SDK1: variants seen among roughly 807,000 people sequenced by gnomAD.
The protein encoded by SDK1 is protein sidekick-1.
A neutral mutation model predicts 245.5 loss-of-function variants in SDK1; 157 were observed. The ratio of observed to expected loss-of-function variants is 0.64; its 90% CI spans 0.56 to 0.73. The LOEUF is 0.73. Ranked by LOEUF, SDK1 falls within the 30% of genes least tolerant of loss-of-function variation. The probability of loss-of-function intolerance (pLI) is 0.00; values close to 1 mark genes in which losing one functional copy is unlikely to be tolerated. For missense variants in SDK1, 3,583 were observed against 3,002.3 expected, an observed-to-expected ratio of 1.19 and a Z score of -4.52; for synonymous variants, 1,647 against 1,278.5, an observed-to-expected ratio of 1.29 and a Z score of -6.15.
At chr7:4,186,817 C>A (rs368799465) in intron 35 of SDK1, among the ~76,000 whole-genome samples, 1 of 152,144 alleles carries the variant, frequency 6.6e-6, no homozygotes, top group East Asian at 1.9e-4. Context: ...ATAGACAGTG[C>A]GGGTACAGGC....
chr7:4,220,368 G>A (rs1398226947), intron 39 of SDK1, 98 bp downstream of exon 39: 2 of 1,331,428 alleles, frequency 1.5e-6, no homozygotes, highest in East Asian at 2.4e-5. Context: ...TCAACAAGGT[G>A]ATGTTGGCGG....
chr7:3,834,987 C>T lies in SDK1; in HGVS notation c.847+13404C>T, dbSNP rs149974136. Among the ~76,000 whole-genome samples the T allele has an allele frequency of 8.1e-3, 1,227 of 152,250 alleles. 6 individuals are homozygous for T. Among genetic ancestry groups the T allele is most frequent in the Middle Eastern group, 0.024 (7 of 294 alleles). On this transcript the variant is annotated intron_variant, in intron 5 of 44. Transcript: ENST00000404826. ...CTCCTCGTCCCAAGATGTGAGGATT[C>T]TCCAGCCTTTAGTCCTTTGGTGCAA...
At chr7:3,577,601 C>T (rs999270077) in intron 1 of SDK1, among the ~76,000 whole-genome samples, 2 of 152,068 alleles carry the variant, frequency 1.3e-5, no homozygotes, top group Non-Finnish European at 2.9e-5. Flanking sequence ...ATGGAACTCA[C>T]TTTTGCTTCT....
At chr7:3,324,101 T>C (rs952301669) in intron 1 of SDK1, among the ~76,000 whole-genome samples, 12 of 152,196 alleles carry the variant, frequency 7.9e-5, no homozygotes, top group African/African-American at 2.9e-4. Flanking sequence ...GTATCTATTC[T>C]AGGGAGATAC....
intron 5 of SDK1, among the ~76,000 whole-genome samples, chr7:3,856,277 T>A (rs1780542883): frequency 6.6e-6 from 1 of 151,678 alleles, no homozygotes; most frequent in Non-Finnish European, 1.5e-5. Flanking sequence ...TCCAAACTAC[T>A]GGAGAAAAAA....
At chr7:4,125,796 C>T (rs1474176579) in intron 25 of SDK1, among the ~76,000 whole-genome samples, 1 of 152,218 alleles carries the variant, frequency 6.6e-6, no homozygotes, top group Non-Finnish European at 1.5e-5. Flanking sequence ...TGATCACCTG[C>T]TGACCAACAA....
At chr7:4,229,735 C>G (rs901781553) in intron 40 of SDK1, among the ~76,000 whole-genome samples, 1 of 152,078 alleles carries the variant, frequency 6.6e-6, no homozygotes, top group Non-Finnish European at 1.5e-5. Context: ...TAAGCAACAC[C>G]CAGTTTATAA....
rs140716813 is a variant in SDK1 at position 3,865,011 on chromosome 7, A to G, written c.847+43428A>G. On this transcript the variant is annotated intron_variant, in intron 5 of 44. Transcript: ENST00000404826. Reference sequence around the variant, plus strand: ...TCTCAGGGGTGCTAACTCTGAGCACATTTCCTATACGTTTCTTCAGTCTCC... The same window carrying G: ...TCTCAGGGGTGCTAACTCTGAGCACGTTTCCTATACGTTTCTTCAGTCTCC... Among the ~76,000 whole-genome samples, 141 of 152,286 alleles carry G rather than the reference A, an allele frequency of 9.3e-4. 2 individuals are homozygous for G. Among genetic ancestry groups the G allele is most frequent in the African/African-American group, 3.3e-3 (136 of 41,552 alleles).
intron 1 of SDK1, among the ~76,000 whole-genome samples, chr7:3,369,404 C>T (rs976534197): frequency 4.6e-5 from 7 of 152,094 alleles, no homozygotes; most frequent in African/African-American, 1.4e-4. Flanking sequence ...CACTTTTGTT[C>T]TACAATGACA....
At chr7:3,899,935 C>G (rs987963635) in intron 5 of SDK1, among the ~76,000 whole-genome samples, 1 of 152,230 alleles carries the variant, frequency 6.6e-6, no homozygotes, top group Admixed American at 6.5e-5. Flanking sequence ...CTCACACATT[C>G]CCTTGACCGC....
chr7:3,684,667 G>A (rs1784221908), intron 4 of SDK1, among the ~76,000 whole-genome samples: 1 of 152,058 alleles, frequency 6.6e-6, no homozygotes, highest in South Asian at 2.1e-4. Flanking sequence ...CTAAATCAGA[G>A]ATGAATGTGA....
At chr7:3,622,508 T>A (rs1583237997) in intron 2 of SDK1, among the ~76,000 whole-genome samples, 1 of 152,128 alleles carries the variant, frequency 6.6e-6, no homozygotes, top group Non-Finnish European at 1.5e-5. Flanking sequence ...AAAAATGGTG[T>A]AACGGCTTTA....
intron 5 of SDK1, among the ~76,000 whole-genome samples, chr7:3,903,193 G>C (rs1243458163): frequency 6.0e-5 from 9 of 150,072 alleles, no homozygotes; most frequent in African/African-American, 9.9e-5. Flanking sequence ...GCTCAGGCTA[G>C]AGTGCAGTGG....
intron 5 of SDK1, among the ~76,000 whole-genome samples, chr7:3,947,433 C>T (rs1237064136): frequency 6.6e-6 from 1 of 151,986 alleles, no homozygotes; most frequent in Non-Finnish European, 1.5e-5. Context: ...TTATCTACTG[C>T]ACAGCTAGAC....
At chr7:3,430,199 G>C (rs1225864681) in intron 1 of SDK1, among the ~76,000 whole-genome samples, 1 of 152,160 alleles carries the variant, frequency 6.6e-6, no homozygotes, top group Non-Finnish European at 1.5e-5. Context: ...GTTTCAGCGA[G>C]TCACTTCTCA....
intron 4 of SDK1, among the ~76,000 whole-genome samples, chr7:3,811,786 C>T (rs573923579): frequency 1.1e-4 from 16 of 152,322 alleles, no homozygotes; most frequent in Admixed American, 2.0e-4. Flanking sequence ...TTTCCTCCCA[C>T]GCCACCTGCA....
intron 32 of SDK1, among the ~76,000 whole-genome samples, chr7:4,163,609 G>T (rs1454020413): frequency 6.6e-6 from 1 of 152,236 alleles, no homozygotes; most frequent in East Asian, 1.9e-4. Context: ...CACGGAGGAT[G>T]AGGTCCAGGA....
chr7:4,206,641 G>A lies in SDK1; in HGVS notation c.5214+647G>A, dbSNP rs7788946. ...GTGAGGAATCATTATGTGGGGCTGG[G>A]TTATCCATGGGGCGGGAAGCACCTC... On this transcript the variant is annotated intron_variant, in intron 36 of 44. Coordinates refer to ENST00000404826, the MANE Select transcript of SDK1 (RefSeq NM_152744.4). Among the ~76,000 whole-genome samples, 1,512 of 152,250 alleles carry A rather than the reference G, an allele frequency of 9.9e-3. 28 individuals are homozygous for A. The highest frequency in any genetic ancestry group is 0.035 in the African/African-American group (1,449 of 41,532).
intron 1 of SDK1, among the ~76,000 whole-genome samples, chr7:3,342,369 A>C (rs1780370851): frequency 6.6e-6 from 1 of 152,078 alleles, no homozygotes; most frequent in African/African-American, 2.4e-5. Context: ...TGGGTGGATC[A>C]CCTGAGGTCG....
Sources: gnomAD v4.1 joint callset for allele counts (sites outside exome capture counted in the v4.1 genomes callset) on GRCh38, gnomAD v4.1.1 for gene constraint, MANE v1.5 for transcripts, NCBI Gene and HGNC (gene_info 2026-07-23, HGNC 2026-07-21) for gene names.